The following GPC6 variants were observed in gnomAD, a reference collection of about 807,000 sequenced individuals.
GPC6 encodes glypican-6.
Under a neutral mutation model 55.2 loss-of-function variants are expected in GPC6, and 14 were observed. The ratio of observed to expected loss-of-function variants is 0.25; its 90% CI spans 0.17 to 0.40. GPC6 has a LOEUF of 0.40. GPC6 is among the 10% of genes least tolerant of loss of function. GPC6 has a pLI of 1.00. For synonymous variants in GPC6, 278 were observed against 259.6 expected (o/e 1.07, Z -0.68); for missense variants, 641 against 708.5 (o/e 0.90, Z 1.08).
intron 1 of GPC6, among the ~76,000 whole-genome samples, chr13:93,339,560 C>A (rs1271246553): frequency 6.6e-6 from 1 of 152,074 alleles, no homozygotes; most frequent in African/African-American, 2.4e-5. Context: ...AATGCATGAG[C>A]CCCCAGGTCT....
intron 1 of GPC6, among the ~76,000 whole-genome samples, chr13:93,297,527 A>T (rs1035739719): frequency 1.3e-5 from 2 of 152,182 alleles, no homozygotes; most frequent in African/African-American, 4.8e-5. Flanking sequence ...GCTACTTGGG[A>T]GGCTGAGGCA....
intron 2 of GPC6, among the ~76,000 whole-genome samples, chr13:93,713,684 T>C (rs1017542606): frequency 1.4e-5 from 2 of 147,518 alleles, no homozygotes; most frequent in Admixed American, 1.4e-4. Context: ...CTTCTAGTTC[T>C]ATATTTAGTG....
In GPC6 at chr13:93,996,310, C is replaced by A. The variant is rs147870126; in HGVS notation, c.712-31419C>A. 5.3e-3 allele frequency among the ~76,000 whole-genome samples: 812 copies of A among 152,330 alleles called. 6 individuals carry two copies. The highest frequency in any genetic ancestry group is 0.018 in the African/African-American group (759 of 41,578). On this transcript the variant is annotated intron_variant, in intron 3 of 8. Transcript: ENST00000377047. ...TGAATACAGGCCCCTTTGGGAAAAG[C>A]TTCTGATCGTTTCAGCTACTTCATT...
At chr13:93,845,759 C>T (rs1174745021) in intron 3 of GPC6, among the ~76,000 whole-genome samples, 2 of 148,172 alleles carry the variant, frequency 1.3e-5, no homozygotes, top group South Asian at 2.2e-4. Context: ...CGTATATTCT[C>T]ACTCATAGGT....
chr13:93,414,675 C>T (rs578210373), intron 1 of GPC6, among the ~76,000 whole-genome samples: 1 of 152,174 alleles, frequency 6.6e-6, no homozygotes, highest in African/African-American at 2.4e-5. Context: ...GAAGAGACCA[C>T]GGACAGCAGT....
At chr13:94,011,517 A>C (rs888680977) in intron 3 of GPC6, among the ~76,000 whole-genome samples, 1 of 152,142 alleles carries the variant, frequency 6.6e-6, no homozygotes, top group Non-Finnish European at 1.5e-5. Context: ...GAATACTGAA[A>C]ATACTGAAAG....
chr13:93,910,589 A>G (rs1876917891), intron 3 of GPC6, among the ~76,000 whole-genome samples: 1 of 152,106 alleles, frequency 6.6e-6, no homozygotes, highest in African/African-American at 2.4e-5. Context: ...GTTTATCACC[A>G]CTGGCCCAGA....
At chr13:93,231,367 A>ATATATATG (rs1566533404) in intron 1 of GPC6, among the ~76,000 whole-genome samples, 6 of 17,790 alleles carry the variant, frequency 3.4e-4, no homozygotes, top group African/African-American at 1.7e-3. Flanking sequence ...ATACGTATAT[A>ATATATATG]TATATATATA....
intron 1 of GPC6, among the ~76,000 whole-genome samples, chr13:93,317,999 A>G (rs941139705): frequency 6.6e-5 from 10 of 152,152 alleles, no homozygotes; most frequent in African/African-American, 2.2e-4. Flanking sequence ...CCCGTCAAAC[A>G]TACCTTTTCT....
intron 2 of GPC6, among the ~76,000 whole-genome samples, chr13:93,666,000 C>T (rs1881116907): frequency 6.6e-6 from 1 of 152,116 alleles, no homozygotes; most frequent in Non-Finnish European, 1.5e-5. Context: ...TTGGCTCAAT[C>T]TTCAATGTAA....
At chr13:93,641,026 A>C (rs1879911898) in intron 2 of GPC6, among the ~76,000 whole-genome samples, 1 of 152,006 alleles carries the variant, frequency 6.6e-6, no homozygotes, top group South Asian at 2.1e-4. Flanking sequence ...GGATTAAGGA[A>C]AAGATTTGCT....
intron 7 of GPC6, 34 bp downstream of exon 7, chr13:94,382,584 C>T: frequency 1.2e-6 from 2 of 1,613,088 alleles, no homozygotes; most frequent in South Asian, 1.1e-5. Context: ...TGGATGGGGG[C>T]ACAGCACACC....
chr13:94,374,132 G>A (rs1311521752), intron 6 of GPC6, among the ~76,000 whole-genome samples: 2 of 151,546 alleles, frequency 1.3e-5, no homozygotes, highest in Non-Finnish European at 2.9e-5. Context: ...AAAGACCATC[G>A]AGACTAGGAA....
At chr13:94,131,207 C>G (rs1886988616) in intron 4 of GPC6, among the ~76,000 whole-genome samples, 1 of 152,064 alleles carries the variant, frequency 6.6e-6, no homozygotes, top group African/African-American at 2.4e-5. Flanking sequence ...CATTTATGAT[C>G]TGTGATAAGT....
chr13:93,886,541 T>G (rs1490752586), intron 3 of GPC6, among the ~76,000 whole-genome samples: 1 of 152,120 alleles, frequency 6.6e-6, no homozygotes, highest in Non-Finnish European at 1.5e-5. Flanking sequence ...ATTGAAGCTT[T>G]ATGTAGTCTC....
intron 4 of GPC6, among the ~76,000 whole-genome samples, chr13:94,078,504 G>A (rs1028799889): frequency 6.6e-6 from 1 of 151,436 alleles, no homozygotes; most frequent in African/African-American, 2.4e-5. Flanking sequence ...ACTAAGAAAA[G>A]GCAGACTAAG....
At chr13:93,393,127 T>TATATATATAGAGAGAGAG (rs1230857277) in intron 1 of GPC6, among the ~76,000 whole-genome samples, 1 of 87,612 alleles carries the variant, frequency 1.1e-5, no homozygotes, top group African/African-American at 3.9e-5. Context: ...TATATATATA[T>TATATATATAGAGAGAGAG]AGAGAGAGAG....
intron 3 of GPC6, among the ~76,000 whole-genome samples, chr13:93,902,957 G>T (rs965017104): frequency 6.6e-6 from 1 of 152,158 alleles, no homozygotes. Flanking sequence ...TTCAACAAAA[G>T]TGCCAAGAAC....
intron 2 of GPC6, among the ~76,000 whole-genome samples, chr13:93,827,603 A>G (rs1183942747): frequency 1.3e-5 from 2 of 152,202 alleles, no homozygotes; most frequent in Non-Finnish European, 2.9e-5. Context: ...ATGATTTTTA[A>G]CAAGAAATAA....
Sources: gnomAD v4.1 joint callset for allele counts (sites outside exome capture counted in the v4.1 genomes callset) on GRCh38, gnomAD v4.1.1 for gene constraint, MANE v1.5 for transcripts, NCBI Gene and HGNC (gene_info 2026-07-23, HGNC 2026-07-21) for gene names.